SLC22A31: variants seen among roughly 807,000 people sequenced by gnomAD.
SLC22A31 encodes putative solute carrier family 22 member 31.
A neutral mutation model predicts 27.4 loss-of-function variants in SLC22A31; 42 were observed. The observed-to-expected ratio is 1.53, with a 90% CI of 1.20 to 1.98. SLC22A31 has a LOEUF of 1.98. Among genes scored for constraint, SLC22A31 ranks in the 30% most tolerant of loss-of-function variants. The pLI is 0.00. For synonymous variants in SLC22A31, 290 were observed against 230.8 expected, an observed-to-expected ratio of 1.26 and a Z score of -2.33; for missense variants, 593 against 479.9, an observed-to-expected ratio of 1.24 and a Z score of -2.20.
intron 8 of SLC22A31, among the ~76,000 whole-genome samples, 189 bp downstream of exon 8, chr16:89,197,109 C>G (rs1916017412): frequency 1.3e-5 from 2 of 152,258 alleles, no homozygotes; most frequent in East Asian, 3.9e-4. Flanking sequence ...CTGCCCAGAG[C>G]CTTCTGTGAG....
intron 8 of SLC22A31, chr16:89,196,526 G>A: frequency 2.6e-6 from 2 of 775,020 alleles, no homozygotes; most frequent in Non-Finnish European, 4.0e-6. Flanking sequence ...GGACACACAT[G>A]TGACTCCAGA....
At chr16:89,197,565 C>T (rs1264987398) in intron 7 of SLC22A31, among the ~76,000 whole-genome samples, 156 bp from the exon 8 acceptor site, 4 of 152,166 alleles carry the variant, frequency 2.6e-5, no homozygotes, top group Non-Finnish European at 4.4e-5. Context: ...GGGAACCTGT[C>T]CTCTGCAGCC....
chr16:89,199,756 C>G lies in SLC22A31; in HGVS notation c.85G>C (p.Gly29Arg), dbSNP rs959139449. 1 of 404,242 alleles carries G rather than the reference C, an allele frequency of 2.5e-6. No homozygotes were observed. The highest frequency in any genetic ancestry group is 4.4e-6 in the Non-Finnish European group (1 of 228,198). The allele number at this position is 404,242 out of a possible 1,614,324, so 25.0% of individuals were successfully genotyped here. A position where few individuals can be genotyped will look rare whatever the true frequency, so the allele number is the denominator to read the frequency against. ...VPLEQVSHLL[G>R]WLLGCVILGA... is the part of the protein sequence containing the mutation. The stretch of plus-strand genomic sequence containing the variant: ...AGGATGACACAGCCCAGCAGCCAGC[C>G]CAGGAGGTGGCTCACCTGCTCCAGC... Residue 29 changes from glycine to arginine, a missense_variant, in exon 2 of 9, where the codon GGC becomes CGC. By Grantham distance (125) the Gly-to-Arg change is moderately radical (BLOSUM62 -2). Transcript: ENST00000682282.
At position 89,198,207 on chromosome 16, in the gene SLC22A31, T is replaced by C. The variant is rs1396584338; in HGVS notation, c.837A>G (p.Ala279=). 8.5e-6 allele frequency: 13 copies of C among 1,535,850 alleles called. No homozygotes were observed. Among genetic ancestry groups the C allele is most frequent in the Non-Finnish European group, 1.0e-5 (12 of 1,146,880 alleles). ...GCACGGGGCGGCGTCCACAGCAATC[T>C]GCCGTCAGGAGCAGGAAGACCAAGG... ...AAALVFLLLT[A]DCCGRRPVLL... Residue 279 remains alanine (A), a synonymous_variant, in exon 7 of 9, where the codon GCA becomes GCG. Transcript: ENST00000682282.
Position 89,199,075 on chromosome 16 carries a change from G to T in SLC22A31, c.400C>A (p.Leu134Ile). ...GLAALVQDWR[L>I]LQGLGALMSG... is the part of the protein sequence containing the mutation. ...ATCAGGGCACCCAGCCCCTGCAGAA[G>T]ACGCCAGTCCTGCACAAGCGCAGCC... Residue 134 changes from leucine (L) to isoleucine (I), a missense_variant, in exon 4 of 9, where the codon CTT becomes ATT. By Grantham distance (5) the Leu-to-Ile change is conservative. Coordinates refer to ENST00000682282, the MANE Select transcript of SLC22A31 (RefSeq NM_001384763.1). 2 of 1,535,652 alleles carry T rather than the reference G, an allele frequency of 1.3e-6. No homozygotes were observed. Among genetic ancestry groups the T allele is most frequent in the Non-Finnish European group, 1.7e-6 (2 of 1,146,742 alleles).
Position 89,199,402 on chromosome 16 carries a change from A to C in SLC22A31, c.283+11T>G. Reference sequence around the variant, plus strand: ...CCCTCCCCCAGTGACAGCAGCCCCCAGGGTACTCACGAGCCAGATACAGGG... The same window carrying C: ...CCCTCCCCCAGTGACAGCAGCCCCCCGGGTACTCACGAGCCAGATACAGGG... On this transcript the variant is annotated intron_variant, in intron 3 of 8. Coordinates refer to ENST00000682282, the MANE Select transcript of SLC22A31 (RefSeq NM_001384763.1). The C allele has an allele frequency of 1.7e-6, 1 of 585,538 alleles. No individual in the cohort carries two copies. The highest frequency in any genetic ancestry group is 3.0e-6 in the Non-Finnish European group (1 of 330,208). 36.3% of individuals were successfully genotyped at this position (585,538 alleles called of 1,614,324 possible).
At chr16:89,198,983 C>G in intron 4 of SLC22A31, 40 bp downstream of exon 4, 2 of 1,525,910 alleles carry the variant, frequency 1.3e-6, no homozygotes, top group Non-Finnish European at 1.8e-6. Context: ...ACATAGTCAG[C>G]CCCGATGAGG....
intron 3 of SLC22A31, 80 bp from the exon 4 acceptor site, chr16:89,199,271 G>T: frequency 7.3e-7 from 1 of 1,367,096 alleles, no homozygotes; most frequent in Non-Finnish European, 9.7e-7. Flanking sequence ...GGGACCTATT[G>T]GTGACCTGCC....
intron 6 of SLC22A31, 21 bp from the exon 7 acceptor site, chr16:89,198,357 A>G: frequency 1.3e-6 from 2 of 1,535,562 alleles, no homozygotes; most frequent in Non-Finnish European, 1.7e-6. Context: ...GAGCAAATCT[A>G]TGGGCCCAGC....
At chr16:89,197,991 A>C (rs1031576436) in intron 7 of SLC22A31, 131 bp downstream of exon 7, 2 of 996,916 alleles carry the variant, frequency 2.0e-6, no homozygotes, top group Non-Finnish European at 2.9e-6. Context: ...GGATCAGAGG[A>C]AAACAAACAG....
chr16:89,197,214 G>T lies in SLC22A31; in HGVS notation c.1034+84C>A, dbSNP rs1484775370. 6.4e-6 allele frequency: 7 copies of T among 1,085,764 alleles called. 1 individual carries two copies. The highest frequency in any genetic ancestry group is 1.5e-5 in the South Asian group (1 of 67,818). The allele number at this position is 1,085,764 out of a possible 1,614,324, so 67.3% of individuals were successfully genotyped here. On this transcript the variant is annotated intron_variant, in intron 8 of 8. Transcript: ENST00000682282. Reference sequence around the variant, plus strand: ...GGCAGGAACCTGGGTGGGGTATGGGGACAGGGCCTCCTGTCCACCTGGCCC... The same window carrying T: ...GGCAGGAACCTGGGTGGGGTATGGGTACAGGGCCTCCTGTCCACCTGGCCC...
rs1363766097 is a variant in SLC22A31, at chr16:89,199,526, G to A, written c.170C>T (p.Thr57Ile). 8.2e-6 allele frequency: 4 copies of A among 488,370 alleles called. No homozygotes were observed. The highest frequency in any genetic ancestry group is 2.9e-4 in the Middle Eastern group (1 of 3,474). 30.3% of individuals were successfully genotyped at this position (488,370 alleles called of 1,614,324 possible). Residue 57 changes from threonine to isoleucine, a missense_variant, in exon 3 of 9, where the codon ACC (threonine) becomes ATC (isoleucine). Coordinates refer to ENST00000682282, the MANE Select transcript of SLC22A31 (RefSeq NM_001384763.1). ...GGCCTCACTGGCCCCCAGGCCTGTG[G>A]TCAGCACCAGGGAGGCCACAAAAAC... ...RAVFVASLVL[T>I]TGLGASEALA... is the part of the protein sequence containing the mutation.
intron 8 of SLC22A31, among the ~76,000 whole-genome samples, chr16:89,196,895 G>A (rs112092714): frequency 1.3e-5 from 2 of 150,560 alleles, no homozygotes; most frequent in Non-Finnish European, 2.9e-5. Flanking sequence ...GCAGTGAGCT[G>A]AGATCACACC....
Position 89,196,216 on chromosome 16 carries a change from A to G in SLC22A31, c.1124T>C (p.Phe375Ser), listed in dbSNP as rs1410109034. 5.2e-6 allele frequency: 8 copies of G among 1,534,822 alleles called. No homozygotes were observed. In the South Asian group the frequency reaches 7.1e-5, roughly 14 times the overall value. ...GGAGGCGAAGACGACTTGTTGCAGG[A>G]AGAAGCCCTGCCGGCCGTGCAGGGT... ...LDTLHGRQGF[F>S]LQQVVFASLA... is the part of the protein sequence containing the mutation. Residue 375 changes from phenylalanine to serine, a missense_variant, in exon 9 of 9, where the codon TTC becomes TCC. By Grantham distance (155) the Phe-to-Ser change is radical. Transcript: ENST00000682282.
chr16:89,199,001 G>A, intron 4 of SLC22A31, 22 bp downstream of exon 4: 1 of 1,532,318 alleles, frequency 6.5e-7, no homozygotes, highest in South Asian at 1.2e-5. Context: ...AGGGCTGCTG[G>A]CCCAGCTCCC....
chr16:89,199,667 C>A (rs938035783), intron 2 of SLC22A31, 46 bp downstream of exon 2: 1 of 405,004 alleles, frequency 2.5e-6, no homozygotes, highest in African/African-American at 2.0e-5. Context: ...TGAGAGTGGG[C>A]GGAGGGGAGG....
At chr16:89,196,509 G>T in intron 8 of SLC22A31, 4 of 908,938 alleles carry the variant, frequency 4.4e-6, no homozygotes, top group Non-Finnish European at 6.4e-6. Context: ...TGGGGCAACA[G>T]ATTGGGGGAC....
rs114339027 is a variant in SLC22A31 at position 89,199,189 on chromosome 16, G to T, written c.286C>A (p.Leu96Met). The change falls in exon 4 of 9, where the codon CTG (leucine) becomes ATG (methionine). Residue 96 changes from leucine (L) to methionine (M), a missense_variant and splice_region_variant. Leu to Met is a conservative substitution (Grantham distance 15). Transcript: ENST00000682282. ...GALLALYLARLELCDPPHRLA... is the reference protein window; with the variant it reads ...GALLALYLARMELCDPPHRLA... ...CGGTGGGGAGGGTCACACAACTCCA[G>T]GCCTGGGCAGACACAGACAGGTTGA... is the stretch of plus-strand genomic sequence containing the variant. 185 of 1,526,446 alleles carry T rather than the reference G, an allele frequency of 1.2e-4. No individual in the cohort carries two copies. In the African/African-American group the frequency reaches 2.3e-3, roughly 19 times the overall value. 94.6% of individuals were successfully genotyped at this position (1,526,446 alleles called of 1,614,324 possible).
rs61732365 is a variant in SLC22A31 at position 89,198,679 on chromosome 16, A to G, written c.571T>C (p.Ser191Pro). 482,726 of 1,534,692 alleles carry G rather than the reference A, an allele frequency of 0.31. 77,690 individuals carry two copies. Among genetic ancestry groups the G allele is most frequent in the East Asian group, 0.5 (20,384 of 40,852 alleles). ...EASGVGPGDS[S>P]LEENSLATEL... ...GTAGCCAGGGAGTTCTCCTCCAAGG[A>G]ACTGTCCCCGGGGCCCACGCCACTG... Residue 191 changes from serine (S) to proline (P), a missense_variant, in exon 5 of 9, where the codon TCC becomes CCC. Ser to Pro is a moderately conservative substitution (Grantham distance 74). Transcript: ENST00000682282.
Sources: gnomAD v4.1 joint callset for allele counts (sites outside exome capture counted in the v4.1 genomes callset) on GRCh38, gnomAD v4.1.1 for gene constraint, MANE v1.5 for transcripts, NCBI Gene and HGNC (gene_info 2026-07-23, HGNC 2026-07-21) for gene names.